ERC2: variants seen among roughly 807,000 people sequenced by gnomAD.
ERC2 encodes the protein ERC protein 2.
ERC2 carries 42 observed loss-of-function variants against 114.8 expected under a neutral mutation model. The ratio of observed to expected loss-of-function variants is 0.37; its 90% CI spans 0.29 to 0.47. The LOEUF (loss-of-function observed/expected upper bound fraction) is 0.47, where lower values mean the gene tolerates loss of function less well. ERC2 is among the 20% of genes least tolerant of loss of function. The pLI, the probability that ERC2 is intolerant of heterozygous loss-of-function variation, is 0.99. For missense variants in ERC2, 939 were observed against 1,150.7 expected (o/e 0.82, Z 2.66); for synonymous variants, 454 against 425.5 (o/e 1.07, Z -0.82).
chr3:55,913,733 G>C (rs987381644), intron 13 of ERC2, among the ~76,000 whole-genome samples: 1 of 152,164 alleles, frequency 6.6e-6, no homozygotes, highest in Non-Finnish European at 1.5e-5. Context: ...TGACACTACT[G>C]TCCATTAAAC....
chr3:55,568,489 G>A (rs1254386445), intron 17 of ERC2, among the ~76,000 whole-genome samples: 1 of 152,190 alleles, frequency 6.6e-6, no homozygotes, highest in Admixed American at 6.5e-5. Context: ...TGGCTGCTCA[G>A]CCCAAAACTC....
intron 17 of ERC2, among the ~76,000 whole-genome samples, chr3:55,646,784 A>G (rs2060416457): frequency 6.6e-6 from 1 of 152,220 alleles, no homozygotes; most frequent in East Asian, 1.9e-4. Flanking sequence ...TACTCAACAA[A>G]TATTTTCTGA....
intron 17 of ERC2, among the ~76,000 whole-genome samples, chr3:55,602,670 C>T (rs975125801): frequency 3.9e-5 from 6 of 152,076 alleles, no homozygotes; most frequent in South Asian, 2.1e-4. Flanking sequence ...GCCAGCTCCC[C>T]GGGGACATTT....
chr3:55,932,406 T>C (rs1416001438), intron 13 of ERC2, among the ~76,000 whole-genome samples: 1 of 152,220 alleles, frequency 6.6e-6, no homozygotes, highest in African/African-American at 2.4e-5. Flanking sequence ...AAATTTAATC[T>C]TTATAACAAC....
intron 3 of ERC2, among the ~76,000 whole-genome samples, chr3:56,250,297 C>G (rs1269253713): frequency 6.6e-6 from 1 of 152,158 alleles, no homozygotes; most frequent in South Asian, 2.1e-4. Flanking sequence ...GAGGAAAAAG[C>G]AAAGAAAAAT....
chr3:55,991,633 A>T (rs2071064807), intron 11 of ERC2, among the ~76,000 whole-genome samples: 1 of 152,194 alleles, frequency 6.6e-6, no homozygotes, highest in Non-Finnish European at 1.5e-5. Flanking sequence ...GCTATCTTGA[A>T]TGAAGAATTC....
At chr3:55,952,804 A>G (rs1294725513) in intron 12 of ERC2, among the ~76,000 whole-genome samples, 1 of 152,190 alleles carries the variant, frequency 6.6e-6, no homozygotes, top group African/African-American at 2.4e-5. Flanking sequence ...GTCTGAACAC[A>G]GTGACCTTAC....
At chr3:55,997,301 T>C (rs2071596241) in intron 10 of ERC2, among the ~76,000 whole-genome samples, 1 of 152,016 alleles carries the variant, frequency 6.6e-6, no homozygotes, top group Non-Finnish European at 1.5e-5. Context: ...ATTTCGATTG[T>C]GGCATGTTGG....
chr3:55,733,488 T>C (rs917861700), intron 15 of ERC2, among the ~76,000 whole-genome samples: 1 of 81,522 alleles, frequency 1.2e-5, no homozygotes, highest in Non-Finnish European at 2.9e-5. Context: ...ACACACACAT[T>C]CTCTGTCTCT....
intron 12 of ERC2, among the ~76,000 whole-genome samples, chr3:55,967,714 G>C (rs950566589): frequency 1.3e-5 from 2 of 152,212 alleles, no homozygotes; most frequent in African/African-American, 4.8e-5. Context: ...ATGCTGGAAG[G>C]TGGGGGCCTA....
intron 14 of ERC2, among the ~76,000 whole-genome samples, chr3:55,883,537 CAT>C (rs1420146428): frequency 1.5e-5 from 2 of 129,244 alleles, no homozygotes; most frequent in Non-Finnish European, 3.1e-5. Flanking sequence ...TATAATTAAA[CAT>C]ACACACACAC....
At chr3:55,771,433 C>T (rs2068193925) in intron 14 of ERC2, among the ~76,000 whole-genome samples, 1 of 152,146 alleles carries the variant, frequency 6.6e-6, no homozygotes, top group Non-Finnish European at 1.5e-5. Flanking sequence ...GCTACCATTG[C>T]ACAGAAGGGG....
intron 3 of ERC2, among the ~76,000 whole-genome samples, chr3:56,265,304 T>C (rs1186839930): frequency 3.3e-5 from 5 of 152,106 alleles, no homozygotes; most frequent in Middle Eastern, 3.2e-3. Context: ...AATCCAAGCA[T>C]ATATGGTCAA....
chr3:56,019,098 G>A, intron 7 of ERC2, 67 bp from the exon 8 acceptor site: 4 of 1,208,612 alleles, frequency 3.3e-6, no homozygotes, highest in South Asian at 1.5e-5. Flanking sequence ...TTCCTGAAGT[G>A]GATCTATTAA....
intron 14 of ERC2, among the ~76,000 whole-genome samples, chr3:55,841,570 G>C (rs1276449798): frequency 6.6e-6 from 1 of 152,020 alleles, no homozygotes; most frequent in Non-Finnish European, 1.5e-5. Context: ...CAATACAGAA[G>C]GTACCTTTTA....
At chr3:56,245,534 G>A (rs549731429) in intron 3 of ERC2, among the ~76,000 whole-genome samples, 33 of 142,804 alleles carry the variant, frequency 2.3e-4, no homozygotes, top group African/African-American at 8.1e-4. Flanking sequence ...GTGTGTGTGT[G>A]TTAATAGATA....
intron 3 of ERC2, among the ~76,000 whole-genome samples, chr3:56,276,419 A>G (rs2053990609): frequency 6.8e-6 from 1 of 146,486 alleles, no homozygotes; most frequent in African/African-American, 2.5e-5. Context: ...GGATACTGCC[A>G]TGCTCTGCAC....
chr3:55,683,555 C>T (rs1038107367), intron 17 of ERC2, among the ~76,000 whole-genome samples: 1 of 152,066 alleles, frequency 6.6e-6, no homozygotes, highest in African/African-American at 2.4e-5. Flanking sequence ...ACATTTGAAT[C>T]GTGCTAAACC....
In ERC2 at chr3:56,377,941, TAAGTG is replaced by T. The variant is rs748479000; in HGVS notation, c.657+56405_657+56409del. ...AATATTGCCCCAAAATGCAATCAAT[TAAGTG>T]GAAGATTTTGCATGCATGTATGTGA... On this transcript the variant is annotated intron_variant, in intron 2 of 17. Coordinates refer to ENST00000288221, the MANE Select transcript of ERC2 (RefSeq NM_015576.3). 4.6e-5 allele frequency among the ~76,000 whole-genome samples: 7 copies of T among 152,198 alleles called. No individual in the cohort carries two copies. In the East Asian group the frequency reaches 1.4e-3, roughly 29 times the overall value.
Sources: gnomAD v4.1 joint callset for allele counts (sites outside exome capture counted in the v4.1 genomes callset) on GRCh38, gnomAD v4.1.1 for gene constraint, MANE v1.5 for transcripts, NCBI Gene and HGNC (gene_info 2026-07-23, HGNC 2026-07-21) for gene names.